Variants in DTNB observed in about 807,000 individuals in gnomAD.
The protein encoded by DTNB is dystrobrevin beta.
A neutral mutation model predicts 90.7 loss-of-function variants in DTNB; 63 were observed. The observed-to-expected ratio is 0.69, with a 90% confidence interval of 0.57 to 0.86. DTNB has a LOEUF of 0.86. Among genes scored for constraint, DTNB ranks in the 40% least tolerant of loss-of-function variants. The probability of loss-of-function intolerance (pLI) is 0.00; values close to 1 mark genes in which losing one functional copy is unlikely to be tolerated. For missense variants in DTNB, 744 were observed against 807.1 expected (o/e 0.92, Z 0.95); for synonymous variants, 277 against 286.7 (o/e 0.97, Z 0.34).
At chr2:25,455,888 C>T (rs1206096614) in intron 10 of DTNB, among the ~76,000 whole-genome samples, 2 of 152,220 alleles carry the variant, frequency 1.3e-5, no homozygotes, top group African/African-American at 4.8e-5. Flanking sequence ...CTACATGACC[C>T]CCTAGCGCTA....
intron 9 of DTNB, among the ~76,000 whole-genome samples, chr2:25,489,995 GC>G (rs758919571): frequency 1.6e-4 from 24 of 152,192 alleles, no homozygotes; most frequent in Non-Finnish European, 8.8e-5. Flanking sequence ...AAAATTACAG[GC>G]TGTGCACAGT....
chr2:25,541,972 C>G (rs1417504490), intron 8 of DTNB, among the ~76,000 whole-genome samples: 2 of 152,082 alleles, frequency 1.3e-5, no homozygotes, highest in South Asian at 4.1e-4. Flanking sequence ...AATCTTAAAC[C>G]TTTTCAACAT....
At chr2:25,419,363 T>A in intron 16 of DTNB, 152 bp downstream of exon 16, 1 of 1,246,722 alleles carries the variant, frequency 8.0e-7, no homozygotes, top group Non-Finnish European at 1.1e-6. Flanking sequence ...TTAGGCCATT[T>A]TACAACACCA....
At chr2:25,672,669 C>G (rs1227975557) in intron 1 of DTNB, 3 of 152,106 alleles carry the variant, frequency 2.0e-5, no homozygotes, top group Non-Finnish European at 4.4e-5. Context: ...TAAAATTCGA[C>G]GCTCCTTTGT....
intron 8 of DTNB, among the ~76,000 whole-genome samples, chr2:25,534,126 T>C (rs1018783878): frequency 1.3e-5 from 2 of 152,176 alleles, no homozygotes; most frequent in Non-Finnish European, 2.9e-5. Flanking sequence ...CTGGTTTTCC[T>C]AGGCAGAGGT....
intron 9 of DTNB, among the ~76,000 whole-genome samples, chr2:25,502,265 G>A (rs747302296): frequency 9.2e-5 from 14 of 152,030 alleles, no homozygotes; most frequent in Middle Eastern, 6.8e-3. Context: ...TGAGACATTC[G>A]ACAAAAAGGA....
intron 8 of DTNB, among the ~76,000 whole-genome samples, chr2:25,558,031 G>A (rs1394960217): frequency 2.0e-5 from 3 of 152,150 alleles, no homozygotes; most frequent in Non-Finnish European, 2.9e-5. Flanking sequence ...TGTAAAAGCC[G>A]GAACTGTGAG....
In DTNB at chr2:25,404,388, C is replaced by T. The variant is rs1259393745; in HGVS notation, c.1575+15127G>A. Among the ~76,000 whole-genome samples the T allele has an allele frequency of 2.6e-5, 4 of 151,892 alleles. No individual in the cohort carries two copies. The East Asian group carries it at 5.8e-4, about 22-fold the overall frequency. ...AGAGGCTTGGGAAGGGCAAACCAGG[C>T]GGGGGAAAGTGCATGACTGAGGCAC... On this transcript the variant is annotated intron_variant, in intron 16 of 20. Transcript: ENST00000406818.
chr2:25,434,801 C>T (rs2055148021), intron 12 of DTNB, among the ~76,000 whole-genome samples: 2 of 152,294 alleles, frequency 1.3e-5, no homozygotes, highest in Admixed American at 6.5e-5. Flanking sequence ...TCTAAAGTGG[C>T]TGTACCATTT....
At chr2:25,551,150 T>C (rs2083562754) in intron 8 of DTNB, among the ~76,000 whole-genome samples, 1 of 152,226 alleles carries the variant, frequency 6.6e-6, no homozygotes, top group Non-Finnish European at 1.5e-5. Flanking sequence ...TTTAGCTACA[T>C]CCAATTTGCT....
rs116611186 is a variant in DTNB, at chr2:25,647,302, T to C, written c.67+5292A>G. Reference sequence around the variant, plus strand: ...AACAGAAGTACAGGGAAAAAATTAATACTCTTGATCAAAGCAGAAATATTT... The same window carrying C: ...AACAGAAGTACAGGGAAAAAATTAACACTCTTGATCAAAGCAGAAATATTT... On this transcript the variant is annotated intron_variant, in intron 2 of 20. Coordinates refer to ENST00000406818, the MANE Select transcript of DTNB (RefSeq NM_021907.5). Among the ~76,000 whole-genome samples, 363 of 152,330 alleles carry C rather than the reference T, an allele frequency of 2.4e-3. 1 individual carries two copies. Among genetic ancestry groups the C allele is most frequent in the African/African-American group, 7.1e-3 (297 of 41,582 alleles).
chr2:25,471,621 T>C (rs1215370830), intron 10 of DTNB, among the ~76,000 whole-genome samples: 6 of 152,070 alleles, frequency 3.9e-5, no homozygotes, highest in Admixed American at 3.9e-4. Flanking sequence ...GTCTCAAACT[T>C]CTGGCCTCAA....
At chr2:25,637,851 A>G (rs1268972363) in intron 3 of DTNB, among the ~76,000 whole-genome samples, 1 of 152,192 alleles carries the variant, frequency 6.6e-6, no homozygotes, top group African/African-American at 2.4e-5. Flanking sequence ...CAGCAATCCC[A>G]TTACTGGGTA....
chr2:25,515,665 A>T (rs1333937941), intron 9 of DTNB, among the ~76,000 whole-genome samples: 4 of 151,948 alleles, frequency 2.6e-5, no homozygotes, highest in Non-Finnish European at 5.9e-5. Context: ...TCGGCTCACT[A>T]CAACCTCCCG....
Position 25,432,917 on chromosome 2 carries a change from GGT to G in DTNB, c.1424_1425del (p.Asn475ThrfsTer16), listed in dbSNP as rs768545997. 13 of 1,609,874 alleles carry G rather than the reference GGT, an allele frequency of 8.1e-6. No individual in the cohort carries two copies. Among genetic ancestry groups the G allele is most frequent in the Non-Finnish European group, 5.1e-6 (6 of 1,178,900 alleles). ...SQPTPEKAQQ[N>X]PTLLAELRLL... ...AGCCGCAGCTCTGCCAGCAGCGTGG[GGT>G]TCTGCTGTGCCTTCTCAGGGGTGGG... On this transcript the variant is annotated frameshift_variant, in exon 14 of 21. Coordinates refer to ENST00000406818, the MANE Select transcript of DTNB (RefSeq NM_021907.5). LOFTEE classifies it high-confidence loss of function.
intron 8 of DTNB, among the ~76,000 whole-genome samples, chr2:25,550,777 G>A (rs1234819392): frequency 1.3e-5 from 2 of 152,156 alleles, no homozygotes; most frequent in African/African-American, 4.8e-5. Flanking sequence ...AGCCTCCTGA[G>A]TAGCTGGAAC....
rs1489583864 is a variant in DTNB, at chr2:25,427,562, C to T, written c.1527G>A (p.Gln509=). Residue 509 remains glutamine (Q), a synonymous_variant, in exon 15 of 21, where the codon CAG becomes CAA. Transcript: ENST00000406818. ...LQESRRELMV[Q]LEELMKLLKE... is the part of the protein sequence containing the mutation. ...TCAGCAACTTCATCAGCTCTTCCAG[C>T]TGGACCATCAGCTCCCGCCTGCTCT... 8 of 1,613,858 alleles carry T rather than the reference C, an allele frequency of 5.0e-6. No homozygotes were observed. The highest frequency in any genetic ancestry group is 5.9e-6 in the Non-Finnish European group (7 of 1,179,850).
chr2:25,551,911 G>A (rs2056352152), intron 8 of DTNB, among the ~76,000 whole-genome samples: 1 of 152,068 alleles, frequency 6.6e-6, no homozygotes, highest in Non-Finnish European at 1.5e-5. Context: ...CTCTGTTCTA[G>A]CTTCCAGCTC....
At position 25,514,698 on chromosome 2, in the gene DTNB, T is replaced by G. The variant is rs942983131; in HGVS notation, c.1001+16775A>C. Among the ~76,000 whole-genome samples the G allele has an allele frequency of 2.3e-4, 34 of 148,192 alleles. 1 individual carries two copies. The East Asian group carries it at 4.5e-3, about 20-fold the overall frequency. Reference sequence around the variant, plus strand: ...AAAAAAATCTTTTTTTTTTTTTTTTTTTTTGGTGGGGACAGAGTCTTGCTC... The same window carrying G: ...AAAAAAATCTTTTTTTTTTTTTTTTGTTTTGGTGGGGACAGAGTCTTGCTC... On this transcript the variant is annotated intron_variant, in intron 9 of 20. Transcript: ENST00000406818.
Sources: allele counts gnomAD v4.1 joint callset (sites outside exome capture counted in the v4.1 genomes callset), GRCh38; gene constraint gnomAD v4.1.1; transcripts MANE v1.5; gene names NCBI Gene and HGNC (gene_info 2026-07-23, HGNC 2026-07-21).